SPI1: variants seen among roughly 807,000 people sequenced by gnomAD.
SPI1 encodes transcription factor PU.1.
Under a neutral mutation model 30.7 loss-of-function variants are expected in SPI1, and 3 were observed. The ratio of observed to expected loss-of-function variants is 0.10; its 90% CI spans 0.04 to 0.25. SPI1 has a LOEUF of 0.25. Among genes scored for constraint, SPI1 ranks in the 10% least tolerant of loss-of-function variants. The pLI is 1.00. For synonymous variants in SPI1, 169 were observed against 157.1 expected (o/e 1.08, Z -0.56); for missense variants, 261 against 371.5 (o/e 0.70, Z 2.45).
intron 2 of SPI1, among the ~76,000 whole-genome samples, chr11:47,367,400 A>AC (rs1190257555): frequency 6.6e-6 from 1 of 151,922 alleles, no homozygotes; most frequent in African/African-American, 2.4e-5. Flanking sequence ...CTAGAAATAC[A>AC]AAAAGTAGCC....
chr11:47,358,059 GCA>G (rs1304891819), intron 4 of SPI1: 1 of 168,726 alleles, frequency 5.9e-6, no homozygotes, highest in African/African-American at 2.4e-5. Context: ...TCACATACAT[GCA>G]CAGACCTGCT....
At chr11:47,373,171 T>A (rs1202773470) in intron 2 of SPI1, among the ~76,000 whole-genome samples, 2 of 150,930 alleles carry the variant, frequency 1.3e-5, no homozygotes, top group African/African-American at 4.9e-5. Context: ...GCCAACATAG[T>A]GAAACCCTGT....
chr11:47,361,958 C>T (rs1158828090), intron 2 of SPI1, among the ~76,000 whole-genome samples: 1 of 152,078 alleles, frequency 6.6e-6, no homozygotes. Flanking sequence ...AATTATTTGG[C>T]CTCACAGTCC....
chr11:47,372,682 C>G (rs180950053), intron 2 of SPI1, among the ~76,000 whole-genome samples: 51 of 152,208 alleles, frequency 3.4e-4, no homozygotes, highest in African/African-American at 1.2e-3. Context: ...ACAGAGCCCT[C>G]TGTGCTTTTC....
In SPI1 at chr11:47,359,796, G is replaced by A. The variant is rs1261963862; in HGVS notation, c.330+57C>T. 32 of 1,568,154 alleles carry A rather than the reference G, an allele frequency of 2.0e-5. No homozygotes were observed. The highest frequency in any genetic ancestry group is 1.6e-4 in the East Asian group (7 of 44,422). The stretch of plus-strand genomic sequence containing the variant: ...TGTGTCAGCTTCCTGTGAAGCTCCC[G>A]GGCCCCACCACAGGCCTGGCAGTCT... On this transcript the variant is annotated intron_variant, in intron 3 of 4. Transcript: ENST00000378538. This position sits in a 1 kb window ranked among gnomAD's most constrained non-coding sequence, Gnocchi z 5.1.
Position 47,355,079 on chromosome 11 carries a change from TG to T in SPI1, c.*147del. On this transcript the variant is annotated 3_prime_UTR_variant, in exon 5 of 5. Coordinates refer to ENST00000378538, the MANE Select transcript of SPI1 (RefSeq NM_003120.3). ...AGCGGGATGTGGAGGGGGCCTGGAGTGGGGGGAGGGGGCGGGTGAGGCGAGG... is the reference window on the plus strand; with the variant it reads ...AGCGGGATGTGGAGGGGGCCTGGAGTGGGGGAGGGGGCGGGTGAGGCGAGG... 1.3e-5 allele frequency: 4 copies of T among 307,964 alleles called. No homozygotes were observed. The highest frequency in any genetic ancestry group is 1.1e-4 in the African/African-American group (1 of 9,134). 19.1% of individuals were successfully genotyped at this position (307,964 alleles called of 1,614,324 possible).
At position 47,355,159 on chromosome 11, in the gene SPI1, GGGCCGGGCGAGGGCTTAATGCTAT is replaced by G. The variant is rs2095906103; in HGVS notation, c.*44_*67del. On this transcript the variant is annotated 3_prime_UTR_variant, in exon 5 of 5. Transcript: ENST00000378538. ...CCCCGGGAGCGTCCTCCCTGTGTCC[GGGCCGGGCGAGGGCTTAATGCTAT>G]GGCCAGCGGGGAGGCCTGGCGGGGC... 3.3e-6 allele frequency: 4 copies of G among 1,219,338 alleles called. No homozygotes were observed. The highest frequency in any genetic ancestry group is 3.0e-4 in the Middle Eastern group (1 of 3,300). The allele number at this position is 1,219,338 out of a possible 1,614,324, so 75.5% of individuals were successfully genotyped here. A position where few individuals can be genotyped will look rare whatever the true frequency, so the allele number is the denominator to read the frequency against.
chr11:47,360,693 G>A (rs539637437), intron 2 of SPI1, among the ~76,000 whole-genome samples: 18 of 151,934 alleles, frequency 1.2e-4, no homozygotes, highest in Non-Finnish European at 2.4e-4. Context: ...GGGCGTGGTG[G>A]TAGGTGCCGT....
At position 47,367,748 on chromosome 11, in the gene SPI1, A is replaced by ATTTT. The variant is rs1173025260; in HGVS notation, c.143-7712_143-7709dup. Among the ~76,000 whole-genome samples the ATTTT allele has an allele frequency of 3.7e-4, 24 of 64,782 alleles. No individual in the cohort carries two copies. The South Asian group carries it at 5.1e-3, about 14-fold the overall frequency. 42.5% of individuals were successfully genotyped at this position (64,782 alleles called of 152,430 possible). On this transcript the variant is annotated intron_variant, in intron 2 of 4. Coordinates refer to ENST00000378538, the MANE Select transcript of SPI1 (RefSeq NM_003120.3). ...ACTATGGGAAATAGATGATGGTTAA[A>ATTTT]TTTTTTTTTTTTTTTTTTTTTTTTT...
chr11:47,358,212 TCACA>T (rs1407331617), intron 4 of SPI1: 1 of 291,782 alleles, frequency 3.4e-6, no homozygotes, highest in African/African-American at 2.2e-5. Flanking sequence ...CACACTTATA[TCACA>T]CACATCCCTG....
intron 2 of SPI1, among the ~76,000 whole-genome samples, chr11:47,372,381 C>T (rs1314463156): frequency 0.071 from 13 of 182 alleles, no homozygotes; most frequent in East Asian, 0.41. Flanking sequence ...TGAGCCACCA[C>T]GCCCCAGCCT....
At chr11:47,376,378 C>T (rs747061638) in intron 1 of SPI1, among the ~76,000 whole-genome samples, 5 of 152,114 alleles carry the variant, frequency 3.3e-5, no homozygotes, top group Non-Finnish European at 7.4e-5. Context: ...CCCAGCCCCA[C>T]TCTCACAGCC....
At chr11:47,370,626 C>A (rs2095934451) in intron 2 of SPI1, among the ~76,000 whole-genome samples, 1 of 152,140 alleles carries the variant, frequency 6.6e-6, no homozygotes, top group South Asian at 2.1e-4. Flanking sequence ...TGCTTGAACC[C>A]AGGAGGCTGA....
intron 2 of SPI1, among the ~76,000 whole-genome samples, chr11:47,369,208 C>T (rs1595861559): frequency 1.3e-5 from 2 of 152,136 alleles, no homozygotes; most frequent in African/African-American, 4.8e-5. Context: ...GCCGAGATCA[C>T]GCCACTGCAC....
intron 2 of SPI1, among the ~76,000 whole-genome samples, chr11:47,361,945 T>A (rs956666795): frequency 2.0e-5 from 3 of 152,156 alleles, no homozygotes; most frequent in Non-Finnish European, 4.4e-5. Context: ...TGTCTACATG[T>A]ATAATTATTT....
intron 2 of SPI1, among the ~76,000 whole-genome samples, chr11:47,372,108 T>C (rs1284426696): frequency 6.7e-6 from 1 of 149,600 alleles, no homozygotes; most frequent in Non-Finnish European, 1.5e-5. Context: ...TCTGATTCTT[T>C]TTTTTTTTTT....
At chr11:47,371,315 A>G in intron 2 of SPI1, among the ~76,000 whole-genome samples, 1 of 129,742 alleles carries the variant, frequency 7.7e-6, no homozygotes. Context: ...AGCTGACATC[A>G]CACCACTGCA....
In SPI1 at chr11:47,375,318, C is replaced by A. The variant is rs939690620; in HGVS notation, c.142+315G>T. ...ACAGACCTGGGTTCCACCCAGCAGC[C>A]GTGTGACCTTGTGCAAGTCTCCTAG... On this transcript the variant is annotated intron_variant, in intron 2 of 4. Coordinates refer to ENST00000378538, the MANE Select transcript of SPI1 (RefSeq NM_003120.3). This position sits in a 1 kb window ranked among gnomAD's most constrained non-coding sequence, Gnocchi z 4.2. Among the ~76,000 whole-genome samples, 7 of 152,180 alleles carry A rather than the reference C, an allele frequency of 4.6e-5. No homozygotes were observed. The highest frequency in any genetic ancestry group is 1.0e-4 in the Non-Finnish European group (7 of 68,024).
chr11:47,367,558 A>G (rs569916345), intron 2 of SPI1, among the ~76,000 whole-genome samples: 50 of 151,184 alleles, frequency 3.3e-4, no homozygotes, highest in South Asian at 1.5e-3. Context: ...TGCCTCAAAA[A>G]AAAAAAAAAA....
Sources: gnomAD v4.1 joint callset for allele counts (sites outside exome capture counted in the v4.1 genomes callset) on GRCh38, gnomAD v4.1.1 for gene constraint, Gnocchi (gnomAD v3.1) non-coding constraint, MANE v1.5 for transcripts, NCBI Gene and HGNC (gene_info 2026-07-23, HGNC 2026-07-21) for gene names.